The following PPAN variants were observed in gnomAD, a reference collection of about 807,000 sequenced individuals.
The protein encoded by PPAN is suppressor of SWI4 1 homolog.
A neutral mutation model predicts 48.5 loss-of-function variants in PPAN; 39 were observed. The observed-to-expected ratio is 0.80, with a 90% CI of 0.62 to 1.05. The LOEUF is 1.05. Among genes scored for constraint, PPAN ranks in the 50% least tolerant of loss-of-function variants. The pLI, the probability that PPAN is intolerant of heterozygous loss-of-function variation, is 0.00. For missense variants in PPAN, 736 were observed against 661.7 expected, an observed-to-expected ratio of 1.11 and a Z score of -1.23; for synonymous variants, 315 against 268.6, an observed-to-expected ratio of 1.17 and a Z score of -1.69.
intron 1 of PPAN, 34 bp downstream of exon 1, chr19:10,106,446 A>T: frequency 1.3e-6 from 2 of 1,547,126 alleles, no homozygotes; most frequent in Non-Finnish European, 1.7e-6. Flanking sequence ...CAGGTGGCGC[A>T]GGTGGGGTCC....
In PPAN at chr19:10,106,628, A is replaced by T; in HGVS notation, c.146A>T (p.Asp49Val). The change falls in exon 2 of 12, where the codon GAC becomes GTC. Residue 49 changes from aspartate (D) to valine (V), a missense_variant. Asp to Val is a radical substitution (Grantham distance 152, BLOSUM62 -3). Coordinates refer to ENST00000253107, the MANE Select transcript of PPAN (RefSeq NM_020230.7). ...TGRNIRQLSL[D>V]VRRVMEPLTA... ...CGCAACATCCGGCAGCTCAGCCTGGACGTGCGGCGGGTCATGGAGCCGCTC... is the reference window on the plus strand; with the variant it reads ...CGCAACATCCGGCAGCTCAGCCTGGTCGTGCGGCGGGTCATGGAGCCGCTC... The T allele has an allele frequency of 6.5e-7, 1 of 1,549,484 alleles. No homozygotes were observed. The highest frequency in any genetic ancestry group is 8.7e-7 in the Non-Finnish European group (1 of 1,147,382).
chr19:10,106,303 GT>G (rs1322087660), upstream of PPAN: 1 of 1,538,666 alleles, frequency 6.5e-7, no homozygotes, highest in African/African-American at 1.4e-5. Context: ...GCCTGATGTC[GT>G]CCCACGCCGT....
rs1271343861 is a variant in PPAN, at chr19:10,110,094, C to T, written c.699-29C>T. 1 of 1,609,902 alleles carries T rather than the reference C, an allele frequency of 6.2e-7. No homozygotes were observed. Among genetic ancestry groups the T allele is most frequent in the Admixed American group, 1.7e-5 (1 of 59,984 alleles). ...ACAGGACCGGGAGCCTGAGCTCCCC[C>T]ACTGAGCCCTGTTATGTCCTACACA... On this transcript the variant is annotated intron_variant, in intron 7 of 11. Transcript: ENST00000253107. The surrounding 1 kb of genome is among the most constrained non-coding windows in gnomAD (Gnocchi z 5.9).
intron 6 of PPAN, 79 bp from the exon 7 acceptor site, chr19:10,109,834 G>A: frequency 1.3e-6 from 2 of 1,597,856 alleles, no homozygotes; most frequent in Non-Finnish European, 1.7e-6. Flanking sequence ...GACGCACTGT[G>A]GGAAGGGTGA....
rs1166036045 is a variant in PPAN at position 10,111,634 on chromosome 19, CT to C, written c.*470del. 1.0e-4 allele frequency: 161 copies of C among 1,549,048 alleles called. 2 individuals carry two copies. In the South Asian group the frequency reaches 1.6e-3, roughly 15 times the overall value. ...GCTGGGCCAGTAACTGGGGATGGGG[CT>C]GGGGCAGGGCCCACTAAGCCACTGG... On this transcript the variant is annotated 3_prime_UTR_variant, in exon 12 of 12. Transcript: ENST00000253107.
At chr19:10,106,694 G>T (rs574092451) in intron 2 of PPAN, 23 bp downstream of exon 2, 5 of 1,315,694 alleles carry the variant, frequency 3.8e-6, no homozygotes, top group South Asian at 1.3e-5. Flanking sequence ...CCCCCAGCCC[G>T]CCTCCACCCA....
At chr19:10,106,784 A>G in intron 2 of PPAN, 113 bp downstream of exon 2, 1 of 1,414,452 alleles carries the variant, frequency 7.1e-7, no homozygotes, top group Non-Finnish European at 9.3e-7. Flanking sequence ...CCAGCTGGAA[A>G]AAAAGACCCT....
rs1338638438 is a variant in PPAN at position 10,110,283 on chromosome 19, A to G, written c.822+37A>G. ...GGCAGGGGGACCCCCGGGCTCCACC[A>G]GTCCCAACGGTGGGCTGACGCTTCT... On this transcript the variant is annotated intron_variant, in intron 8 of 11. Coordinates refer to ENST00000253107, the MANE Select transcript of PPAN (RefSeq NM_020230.7). This position sits in a 1 kb window ranked among gnomAD's most constrained non-coding sequence, Gnocchi z 5.9. 6.2e-7 allele frequency: 1 copy of G among 1,612,980 alleles called. No individual in the cohort carries two copies. The highest frequency in any genetic ancestry group is 1.1e-5 in the South Asian group (1 of 91,038).
Position 10,110,987 on chromosome 19 carries a change from C to A in PPAN, c.1244C>A (p.Pro415Gln), listed in dbSNP as rs761065128. ...AAGCAGAAACGGCTTGCCAAGTCTC[C>A]AGGGCGGAAGCGGAAGCGGTGGGAA... ...EAKQKRLAKS[P>Q]GRKRKRWEMD... Residue 415 changes from proline (P) to glutamine (Q), a missense_variant, in exon 12 of 12, where the codon CCA (proline) becomes CAA (glutamine). Coordinates refer to ENST00000253107, the MANE Select transcript of PPAN (RefSeq NM_020230.7). This position sits in a 1 kb window ranked among gnomAD's most constrained non-coding sequence, Gnocchi z 5.9. 3 of 1,613,150 alleles carry A rather than the reference C, an allele frequency of 1.9e-6. No individual in the cohort carries two copies. Among genetic ancestry groups the A allele is most frequent in the Non-Finnish European group, 2.5e-6 (3 of 1,179,978 alleles).
At chr19:10,107,930 T>G in intron 4 of PPAN, 34 bp from the exon 5 acceptor site, 1 of 1,599,430 alleles carries the variant, frequency 6.3e-7, no homozygotes, top group Non-Finnish European at 8.6e-7. Flanking sequence ...CATGTGTGGT[T>G]GGTGGTCACC....
chr19:10,106,800 G>A (rs1209918920), intron 2 of PPAN, 129 bp downstream of exon 2: 3 of 1,378,390 alleles, frequency 2.2e-6, no homozygotes, highest in Non-Finnish European at 2.9e-6. Flanking sequence ...ACCCTCATGG[G>A]GAGCATCATT....
rs1314785354 is a variant in PPAN at position 10,110,965 on chromosome 19, C to T, written c.1222C>T (p.Gln408Ter). The change falls in exon 12 of 12, where the codon CAG (glutamine) becomes TAG (stop). Residue 408 changes from glutamine (Q) to a stop codon, truncating the protein, a stop_gained. Transcript: ENST00000253107. LOFTEE classifies it low-confidence loss of function (END_TRUNC). This position sits in a 1 kb window ranked among gnomAD's most constrained non-coding sequence, Gnocchi z 5.9. ...CACAGACCTGTTCCCCGAGGCCAAG[C>T]AGAAACGGCTTGCCAAGTCTCCAGG... ...PSEDLFPEAK[Q>*]KRLAKSPGRK... 3.7e-6 allele frequency: 6 copies of T among 1,613,346 alleles called. No individual in the cohort carries two copies. Among genetic ancestry groups the T allele is most frequent in the African/African-American group, 1.3e-5 (1 of 74,876 alleles).
Position 10,110,988 on chromosome 19 carries a change from A to G in PPAN, c.1245A>G (p.Pro415=). The part of the protein sequence containing the change: ...EAKQKRLAKS[P]GRKRKRWEMD... ...AGCAGAAACGGCTTGCCAAGTCTCC[A>G]GGGCGGAAGCGGAAGCGGTGGGAAA... Residue 415 remains proline, a synonymous_variant, in exon 12 of 12, where the codon CCA becomes CCG. Transcript: ENST00000253107. The surrounding 1 kb of genome is among the most constrained non-coding windows in gnomAD (Gnocchi z 5.9). The G allele has an allele frequency of 6.2e-7, 1 of 1,612,938 alleles. No individual in the cohort carries two copies. The highest frequency in any genetic ancestry group is 8.5e-7 in the Non-Finnish European group (1 of 1,179,904).
At chr19:10,106,255 C>T (rs1187892327), upstream of PPAN, 19 of 1,433,598 alleles carry the variant, frequency 1.3e-5, no homozygotes, top group Non-Finnish European at 1.6e-5. Flanking sequence ...ATCTGATTGC[C>T]CCTCCCCGCT....
In PPAN at chr19:10,110,640, G is replaced by A. The variant is rs745537496; in HGVS notation, c.1031+26G>A. On this transcript the variant is annotated intron_variant, in intron 10 of 11. Transcript: ENST00000253107. The surrounding 1 kb of genome is among the most constrained non-coding windows in gnomAD (Gnocchi z 5.9). ...GTCCAGGCAGAGCTGGGAAGGGCAG[G>A]GCCAAGGGGGGGTCCCTGGGATGGG... 3.1e-6 allele frequency: 5 copies of A among 1,609,954 alleles called. No individual in the cohort carries two copies. In the Admixed American group the frequency reaches 8.4e-5, roughly 27 times the overall value.
chr19:10,107,443 G>T, intron 2 of PPAN, 62 bp from the exon 3 acceptor site: 1 of 1,571,112 alleles, frequency 6.4e-7, no homozygotes, highest in South Asian at 1.1e-5. Context: ...TGCACCGTCA[G>T]CTTATAGTTG....
Position 10,110,723 on chromosome 19 carries a change from A to C in PPAN, c.1058A>C (p.Lys353Thr). The change falls in exon 11 of 12, where the codon AAG (lysine) becomes ACG (threonine). Residue 353 changes from lysine to threonine, a missense_variant. Physicochemically the swap from Lys to Thr is moderately conservative, Grantham distance 78 (BLOSUM62 -1). Coordinates refer to ENST00000253107, the MANE Select transcript of PPAN (RefSeq NM_020230.7). This position sits in a 1 kb window ranked among gnomAD's most constrained non-coding sequence, Gnocchi z 5.9. The part of the protein sequence containing the change: ...HRKKSLEGMK[K>T]ARVGGSDEEA... ...AAGAAGAGCCTGGAGGGCATGAAGA[A>C]GGCACGGGTCGGGGGTAGTGATGAA... is the stretch of plus-strand genomic sequence containing the variant. The C allele has an allele frequency of 6.2e-7, 1 of 1,613,886 alleles. No homozygotes were observed.
intron 2 of PPAN, chr19:10,106,894 C>T: frequency 2.7e-6 from 2 of 745,980 alleles, no homozygotes; most frequent in Non-Finnish European, 4.3e-6. Flanking sequence ...ACAGTTAAGA[C>T]TGGAATCTGG....
Position 10,110,984 on chromosome 19 carries a change from C to G in PPAN, c.1241C>G (p.Ser414Cys). The G allele has an allele frequency of 6.2e-7, 1 of 1,613,278 alleles. No individual in the cohort carries two copies. Among genetic ancestry groups the G allele is most frequent in the Admixed American group, 1.7e-5 (1 of 60,028 alleles). Residue 414 changes from serine to cysteine, a missense_variant, in exon 12 of 12, where the codon TCT becomes TGT. Ser to Cys is a moderately radical substitution (Grantham distance 112). Coordinates refer to ENST00000253107, the MANE Select transcript of PPAN (RefSeq NM_020230.7). The surrounding 1 kb of genome is among the most constrained non-coding windows in gnomAD (Gnocchi z 5.9). ...PEAKQKRLAKSPGRKRKRWEM... is the reference protein window; with the variant it reads ...PEAKQKRLAKCPGRKRKRWEM... Reference sequence around the variant, plus strand: ...GCCAAGCAGAAACGGCTTGCCAAGTCTCCAGGGCGGAAGCGGAAGCGGTGG... The same window carrying G: ...GCCAAGCAGAAACGGCTTGCCAAGTGTCCAGGGCGGAAGCGGAAGCGGTGG...
Sources: allele counts gnomAD v4.1 joint callset, GRCh38; gene constraint gnomAD v4.1.1; non-coding constraint Gnocchi (gnomAD v3.1); transcripts MANE v1.5; gene names NCBI Gene and HGNC (gene_info 2026-07-23, HGNC 2026-07-21).